LIPI: variants seen among roughly 807,000 people sequenced by gnomAD.
LIPI encodes the protein lipase member I.
Under a neutral mutation model 50.6 loss-of-function variants are expected in LIPI, and 59 were observed. That is an observed-to-expected ratio of 1.16 (90% CI 0.94 to 1.45). The LOEUF (loss-of-function observed/expected upper bound fraction) is 1.45. Ranked by LOEUF, LIPI falls within the 40% of genes most tolerant of loss-of-function variation. The pLI is 0.00. For synonymous variants in LIPI, 203 were observed against 178.2 expected (o/e 1.14, Z -1.11); for missense variants, 586 against 536.3 (o/e 1.09, Z -0.92).
At chr21:14,182,280 G>A (rs1446092179) in intron 3 of LIPI, among the ~76,000 whole-genome samples, 1 of 152,070 alleles carries the variant, frequency 6.6e-6, no homozygotes, top group African/African-American at 2.4e-5. Flanking sequence ...AGCTTTTTTA[G>A]GTGCCAAATA....
At chr21:14,198,734 T>C (rs1299472669) in intron 1 of LIPI, among the ~76,000 whole-genome samples, 6 of 152,104 alleles carry the variant, frequency 3.9e-5, no homozygotes, top group African/African-American at 1.4e-4. Flanking sequence ...TTAATAAAGA[T>C]ATTTAGGATC....
chr21:14,134,235 AC>A (rs1305759403), intron 9 of LIPI, among the ~76,000 whole-genome samples: 2 of 152,130 alleles, frequency 1.3e-5, no homozygotes, highest in Non-Finnish European at 2.9e-5. Flanking sequence ...TGTCAAAAAA[AC>A]AAAACAAAAA....
chr21:14,132,662 A>G (rs2017340396), intron 9 of LIPI, among the ~76,000 whole-genome samples: 1 of 152,118 alleles, frequency 6.6e-6, no homozygotes, highest in Admixed American at 6.5e-5. Context: ...CACTCACACA[A>G]AGGAAGAAGA....
intron 9 of LIPI, among the ~76,000 whole-genome samples, chr21:14,126,826 A>C (rs2122973474): frequency 1.3e-5 from 2 of 152,314 alleles, no homozygotes; most frequent in East Asian, 3.9e-4. Flanking sequence ...GAGAAGTCAA[A>C]CTTGGGCACA....
At chr21:14,196,086 A>G (rs953862664) in intron 1 of LIPI, among the ~76,000 whole-genome samples, 1 of 151,808 alleles carries the variant, frequency 6.6e-6, no homozygotes, top group African/African-American at 2.4e-5. Flanking sequence ...AATGCATGAG[A>G]AATAAAAACA....
At chr21:14,170,867 C>T (rs1453520644) in intron 4 of LIPI, among the ~76,000 whole-genome samples, 6 of 151,320 alleles carry the variant, frequency 4.0e-5, no homozygotes, top group Admixed American at 4.0e-4. Context: ...CTGGCCAGGG[C>T]AATTAGGCAG....
chr21:14,205,325 A>T (rs2020194535), intron 1 of LIPI, among the ~76,000 whole-genome samples: 1 of 151,930 alleles, frequency 6.6e-6, no homozygotes, highest in South Asian at 2.1e-4. Flanking sequence ...TAAGATGGGG[A>T]CTATGCAGCA....
intron 8 of LIPI, among the ~76,000 whole-genome samples, chr21:14,145,499 C>T (rs1477981504): frequency 6.6e-6 from 1 of 152,102 alleles, no homozygotes; most frequent in East Asian, 1.9e-4. Context: ...TCAACCTGGG[C>T]TTTCATGACC....
intron 9 of LIPI, among the ~76,000 whole-genome samples, chr21:14,123,367 T>C (rs1360528415): frequency 1.3e-5 from 2 of 152,132 alleles, no homozygotes. Flanking sequence ...AACTAGACAC[T>C]ACAAATGTTT....
At chr21:14,136,056 A>G (rs1352506079) in intron 9 of LIPI, among the ~76,000 whole-genome samples, 1 of 152,178 alleles carries the variant, frequency 6.6e-6, no homozygotes, top group Non-Finnish European at 1.5e-5. Context: ...ACATTTCTAG[A>G]CATGCCCTGG....
rs1344079929 is a variant in LIPI, at chr21:14,189,320, G to C, written c.146C>G (p.Thr49Arg). ...PRIETILMMYTRNNLNCAEPL... is the reference protein window; with the variant it reads ...PRIETILMMYRRNNLNCAEPL... Reference sequence around the variant, plus strand: ...CTCAGCACAGTTTAGGTTGTTCCTTGTATACATCATCAGAATGGTCTCTAT... The same window carrying C: ...CTCAGCACAGTTTAGGTTGTTCCTTCTATACATCATCAGAATGGTCTCTAT... The change falls in exon 2 of 10, where the codon ACA becomes AGA. Residue 49 changes from threonine (T) to arginine (R), a missense_variant. Coordinates refer to ENST00000681601, the MANE Select transcript of LIPI (RefSeq NM_001302998.2). 1.9e-6 allele frequency: 3 copies of C among 1,613,218 alleles called. No individual in the cohort carries two copies. The Admixed American group carries it at 5.0e-5, about 27-fold the overall frequency.
At chr21:14,115,246 G>A (rs920817634) in intron 9 of LIPI, among the ~76,000 whole-genome samples, 2 of 152,128 alleles carry the variant, frequency 1.3e-5, no homozygotes, top group African/African-American at 4.8e-5. Flanking sequence ...CCCTAGTGCA[G>A]CTGCAAAGTT....
intron 9 of LIPI, 43 bp downstream of exon 9, chr21:14,144,580 G>A: frequency 9.0e-7 from 1 of 1,105,758 alleles, no homozygotes; most frequent in Admixed American, 1.8e-5. Flanking sequence ...ATATTTTCAA[G>A]TTTAAAAGAT....
chr21:14,196,896 T>A (rs2019882001), intron 1 of LIPI, among the ~76,000 whole-genome samples: 1 of 152,010 alleles, frequency 6.6e-6, no homozygotes, highest in South Asian at 2.1e-4. Context: ...ATAGTAAACA[T>A]CAATAAAATT....
chr21:14,199,642 T>A (rs906347367), intron 1 of LIPI, among the ~76,000 whole-genome samples: 3 of 148,888 alleles, frequency 2.0e-5, no homozygotes, highest in Admixed American at 1.3e-4. Flanking sequence ...TGGGACCACA[T>A]GTATTCACAG....
intron 4 of LIPI, among the ~76,000 whole-genome samples, chr21:14,178,668 T>A (rs2019172413): frequency 6.6e-6 from 1 of 152,156 alleles, no homozygotes; most frequent in Non-Finnish European, 1.5e-5. Flanking sequence ...AATAAGCACA[T>A]TTTTTATAGC....
chr21:14,122,927 C>A (rs984144317), intron 9 of LIPI, among the ~76,000 whole-genome samples: 1 of 152,290 alleles, frequency 6.6e-6, no homozygotes, highest in South Asian at 2.1e-4. Flanking sequence ...AACATTTTAA[C>A]CCCAAGGATC....
intron 9 of LIPI, among the ~76,000 whole-genome samples, chr21:14,142,173 G>C (rs1163488874): frequency 6.6e-6 from 1 of 151,994 alleles, no homozygotes; most frequent in Non-Finnish European, 1.5e-5. Flanking sequence ...GGGGTTGGGG[G>C]ACTAGGGGAG....
chr21:14,192,588 G>A (rs1483813777), intron 1 of LIPI, among the ~76,000 whole-genome samples: 1 of 152,244 alleles, frequency 6.6e-6, no homozygotes, highest in East Asian at 1.9e-4. Flanking sequence ...CTAGATTTAG[G>A]AATAGAAAGA....
Sources: allele counts gnomAD v4.1 joint callset (sites outside exome capture counted in the v4.1 genomes callset), GRCh38; gene constraint gnomAD v4.1.1; transcripts MANE v1.5; gene names NCBI Gene and HGNC (gene_info 2026-07-23, HGNC 2026-07-21).